VWA8: variants seen among roughly 807,000 people sequenced by gnomAD.
VWA8 encodes von Willebrand factor A domain containing 8, also known as von Willebrand factor A domain-containing protein 8.
A neutral mutation model predicts 241.5 loss-of-function variants in VWA8; 221 were observed. The ratio of observed to expected loss-of-function variants is 0.91; its 90% confidence interval spans 0.82 to 1.02. VWA8 has a LOEUF of 1.02. VWA8 is among the 50% of genes least tolerant of loss of function. The pLI is 0.00. For missense variants in VWA8, 2,322 were observed against 2,328.7 expected (o/e 1.00, Z 0.06); for synonymous variants, 852 against 827.1 (o/e 1.03, Z -0.52).
intron 2 of VWA8, among the ~76,000 whole-genome samples, chr13:41,938,489 A>G (rs1023387661): frequency 6.6e-6 from 1 of 152,046 alleles, no homozygotes; most frequent in Non-Finnish European, 1.5e-5. Context: ...CGTCTCTACT[A>G]AAAATACAAA....
At chr13:41,917,720 G>A (rs1876326027) in intron 2 of VWA8, among the ~76,000 whole-genome samples, 1 of 152,220 alleles carries the variant, frequency 6.6e-6, no homozygotes, top group East Asian at 1.9e-4. Context: ...TTACCTGCTG[G>A]GCCTAGAGGC....
intron 21 of VWA8, among the ~76,000 whole-genome samples, chr13:41,759,838 T>C (rs2137904923): frequency 6.6e-6 from 1 of 151,814 alleles, no homozygotes; most frequent in African/African-American, 2.4e-5. Flanking sequence ...GAGTGTTAAG[T>C]TTTGTTCAGG....
chr13:41,793,887 T>G (rs1050811106), intron 17 of VWA8, among the ~76,000 whole-genome samples: 2 of 152,246 alleles, frequency 1.3e-5, no homozygotes, highest in Non-Finnish European at 2.9e-5. Flanking sequence ...GCAGCATTTA[T>G]TAAATAGGGA....
intron 37 of VWA8, among the ~76,000 whole-genome samples, chr13:41,651,002 A>G (rs2044866099): frequency 6.6e-6 from 1 of 152,208 alleles, no homozygotes; most frequent in African/African-American, 2.4e-5. Flanking sequence ...TCTTACAACC[A>G]GAGGATTTTG....
chr13:41,835,839 G>A (rs953820870), intron 12 of VWA8, among the ~76,000 whole-genome samples: 38 of 152,118 alleles, frequency 2.5e-4, no homozygotes, highest in Admixed American at 3.3e-4. Context: ...CTCCTGGTAT[G>A]AATCATTCCA....
At chr13:41,624,538 A>C (rs1356733765) in intron 37 of VWA8, among the ~76,000 whole-genome samples, 2 of 152,196 alleles carry the variant, frequency 1.3e-5, no homozygotes, top group African/African-American at 4.8e-5. Context: ...ATCAATAAAG[A>C]TGATTAATCA....
intron 12 of VWA8, among the ~76,000 whole-genome samples, chr13:41,854,716 G>A (rs1250889843): frequency 6.6e-6 from 1 of 152,032 alleles, no homozygotes; most frequent in Non-Finnish European, 1.5e-5. Context: ...AAATACAGTA[G>A]TTATTACAGT....
At chr13:41,666,732 C>T (rs576151791) in intron 37 of VWA8, among the ~76,000 whole-genome samples, 15 of 152,190 alleles carry the variant, frequency 9.9e-5, no homozygotes, top group Admixed American at 5.9e-4. Context: ...AATGAATTTT[C>T]ATGGCTGGGA....
chr13:41,612,022 C>G (rs911043059), intron 38 of VWA8, among the ~76,000 whole-genome samples: 1 of 152,096 alleles, frequency 6.6e-6, no homozygotes, highest in African/African-American at 2.4e-5. Flanking sequence ...TATTTGTTAT[C>G]CTTTCATATT....
intron 4 of VWA8, among the ~76,000 whole-genome samples, chr13:41,901,889 A>AAAAAAAAAAAAT (rs1566500253): frequency 1.2e-5 from 1 of 83,330 alleles, no homozygotes; most frequent in Non-Finnish European, 2.2e-5. Flanking sequence ...AAAAAAAAAA[A>AAAAAAAAAAAAT]ATATATATAT....
intron 28 of VWA8, 138 bp from the exon 29 acceptor site, chr13:41,699,408 AT>A: frequency 1.2e-6 from 1 of 801,060 alleles, no homozygotes; most frequent in Non-Finnish European, 2.0e-6. Flanking sequence ...TCATGGCTTG[AT>A]TAGGCTGAAA....
chr13:41,791,730 T>C (rs1242670978), intron 17 of VWA8, among the ~76,000 whole-genome samples: 1 of 151,924 alleles, frequency 6.6e-6, no homozygotes, highest in Non-Finnish European at 1.5e-5. Context: ...ACTTACTTCA[T>C]TTTGACTGTT....
intron 37 of VWA8, among the ~76,000 whole-genome samples, chr13:41,654,894 C>A (rs2044892630): frequency 6.6e-6 from 1 of 152,046 alleles, no homozygotes. Flanking sequence ...TGAAAGACAC[C>A]AAAGAGACAT....
At chr13:41,773,036 C>T (rs1307061095) in intron 20 of VWA8, among the ~76,000 whole-genome samples, 1 of 152,164 alleles carries the variant, frequency 6.6e-6, no homozygotes. Context: ...TTCTGGTTTG[C>T]AAACAGAAGG....
rs1325275096 is a variant in VWA8 at position 41,615,078 on chromosome 13, T to C, written c.4618A>G (p.Ile1540Val). The C allele has an allele frequency of 3.7e-6, 6 of 1,613,778 alleles. No homozygotes were observed. Among genetic ancestry groups the C allele is most frequent in the African/African-American group, 1.3e-5 (1 of 74,908 alleles). The change falls in exon 38 of 45, where the codon ATC (isoleucine) becomes GTC (valine). Residue 1540 changes from isoleucine to valine, a missense_variant. By Grantham distance (29) the Ile-to-Val change is conservative. Transcript: ENST00000379310. ...ACATCTTCACCACTGTCTCTGTTGA[T>C]TGTTATCTAAAAATGAACAATTGAG... ...GQDDRNMQITINRDSGEDVSS... is the reference protein window; with the variant it reads ...GQDDRNMQITVNRDSGEDVSS...
At chr13:41,870,863 T>A (rs1873567422) in intron 9 of VWA8, among the ~76,000 whole-genome samples, 4 of 151,992 alleles carry the variant, frequency 2.6e-5, no homozygotes, top group Admixed American at 2.6e-4. Context: ...AATATTTTAG[T>A]AAAATAAAAA....
intron 2 of VWA8, among the ~76,000 whole-genome samples, chr13:41,923,595 C>T (rs1876672542): frequency 1.3e-5 from 2 of 152,090 alleles, no homozygotes; most frequent in Admixed American, 1.3e-4. Flanking sequence ...GATCCCCGTG[C>T]TGCTGCATCT....
At chr13:41,859,309 A>G (rs1331764688) in intron 12 of VWA8, among the ~76,000 whole-genome samples, 3 of 152,214 alleles carry the variant, frequency 2.0e-5, no homozygotes, top group African/African-American at 7.2e-5. Context: ...TGCATAAACA[A>G]GAAGTGAGGA....
intron 2 of VWA8, among the ~76,000 whole-genome samples, chr13:41,934,787 T>C (rs1272931754): frequency 6.6e-6 from 1 of 152,018 alleles, no homozygotes; most frequent in Non-Finnish European, 1.5e-5. Context: ...AGTAAGCTTT[T>C]TGGGGAGATA....
Sources: allele counts gnomAD v4.1 joint callset (sites outside exome capture counted in the v4.1 genomes callset), GRCh38; gene constraint gnomAD v4.1.1; transcripts MANE v1.5; gene names NCBI Gene and HGNC (gene_info 2026-07-23, HGNC 2026-07-21).